The following IDUA variants were observed in gnomAD, a reference collection of about 807,000 sequenced individuals.
IDUA encodes the protein alpha-L-iduronidase.
Under a neutral mutation model 68.9 loss-of-function variants are expected in IDUA, and 65 were observed. That is an observed-to-expected ratio of 0.94 (90% CI 0.77 to 1.16). The LOEUF is 1.16. IDUA is among the 50% of genes most tolerant of loss of function. IDUA has a pLI of 0.00. For missense variants in IDUA, 1,046 were observed against 938.0 expected (o/e 1.12, Z -1.50); for synonymous variants, 529 against 433.6 (o/e 1.22, Z -2.73).
At chr4:1,000,735 C>G (rs1220268935) in intron 3 of IDUA, 38 bp downstream of exon 3, 2 of 1,537,054 alleles carry the variant, frequency 1.3e-6, no homozygotes, top group East Asian at 2.3e-5. Flanking sequence ...CCGCCTGCAC[C>G]CCCTTGCCCT....
intron 2 of IDUA, among the ~76,000 whole-genome samples, chr4:996,088 C>T (rs73066472): frequency 0.051 from 7,792 of 152,286 alleles, 654 homozygotes; most frequent in African/African-American, 0.17. Flanking sequence ...GATTTCTCCT[C>T]GAAGCCCCTG....
At position 1,004,062 on chromosome 4, in the gene IDUA, C is replaced by A; in HGVS notation, c.1778C>A (p.Thr593Asn). 1 of 1,612,606 alleles carries A rather than the reference C, an allele frequency of 6.2e-7. No homozygotes were observed. The highest frequency in any genetic ancestry group is 2.2e-5 in the East Asian group (1 of 44,864). ...IQFSQDGKAY[T>N]PVSRKPSTFN... ...TTCTCTCAGGACGGTAAGGCGTACA[C>A]CCCGGTCAGCAGGAAGCCATCGACC... Residue 593 changes from threonine to asparagine, a missense_variant, in exon 13 of 14, where the codon ACC becomes AAC. Transcript: ENST00000514224. This position sits in a 1 kb window ranked among gnomAD's most constrained non-coding sequence, Gnocchi z 5.0.
Position 987,921 on chromosome 4 carries a change from C to T in IDUA, c.271C>T (p.His91Tyr). 13 of 1,597,964 alleles carry T rather than the reference C, an allele frequency of 8.1e-6. No individual in the cohort carries two copies. Among genetic ancestry groups the T allele is most frequent in the East Asian group, 2.3e-5 (1 of 43,966 alleles). Residue 91 changes from histidine (H) to tyrosine (Y), a missense_variant, in exon 2 of 14, where the codon CAC becomes TAC. Transcript: ENST00000514224. ...CCGCGGCATCAAGCAGGTCCGGACC[C>T]ACTGGCTGCTGGAGCTTGTCACCAC... Reference protein sequence around the residue: ...PHRGIKQVRTHWLLELVTTRG... With the variant: ...PHRGIKQVRTYWLLELVTTRG...
At chr4:989,993 C>T in intron 2 of IDUA, 1 of 1,565,460 alleles carries the variant, frequency 6.4e-7, no homozygotes, top group East Asian at 2.4e-5. Context: ...ACGCTCGAGC[C>T]AAAGCGCTTG....
intron 4 of IDUA, chr4:1,001,251 C>T (rs1424994105): frequency 2.1e-5 from 9 of 426,818 alleles, no homozygotes; most frequent in Admixed American, 5.9e-5. Context: ...GCAGGCTGCA[C>T]CCCTATCACC....
chr4:990,988 G>T, intron 2 of IDUA: 3 of 892,062 alleles, frequency 3.4e-6, no homozygotes, highest in Non-Finnish European at 4.9e-6. Context: ...GCACGCCCCA[G>T]CTCTGCCCAA....
In IDUA at chr4:1,000,634, A is replaced by T. The variant is rs1715015091; in HGVS notation, c.322A>T (p.Ser108Cys). 6.2e-7 allele frequency: 1 copy of T among 1,612,672 alleles called. No individual in the cohort carries two copies. Residue 108 changes from serine (S) to cysteine (C), a missense_variant, in exon 3 of 14, where the codon AGC becomes TGC. Coordinates refer to ENST00000514224, the MANE Select transcript of IDUA (RefSeq NM_000203.5). Reference sequence around the variant, plus strand: ...CAGGGGGTCCACTGGACGGGGCCTGAGCTACAACTTCACCCACCTGGACGG... The same window carrying T: ...CAGGGGGTCCACTGGACGGGGCCTGTGCTACAACTTCACCCACCTGGACGG... ...TTRGSTGRGL[S>C]YNFTHLDGYL...
In IDUA at chr4:1,001,556, C is replaced by T; in HGVS notation, c.582C>T (p.Thr194=). The change falls in exon 5 of 14, where the codon ACC becomes ACT. Residue 194 remains threonine (T), a synonymous_variant. Transcript: ENST00000514224. ...DHHDFDNVSM[T]MQGFLNYYDA... ...ACGACTTTGACAACGTCTCCATGACCATGCAAGGTGTGCACCGCTTCCTGG... is the reference window on the plus strand; with the variant it reads ...ACGACTTTGACAACGTCTCCATGACTATGCAAGGTGTGCACCGCTTCCTGG... 1 of 1,613,182 alleles carries T rather than the reference C, an allele frequency of 6.2e-7. No homozygotes were observed. Among genetic ancestry groups the T allele is most frequent in the Non-Finnish European group, 8.5e-7 (1 of 1,179,904 alleles).
At chr4:991,139 C>A in intron 2 of IDUA, 1 of 1,543,256 alleles carries the variant, frequency 6.5e-7, no homozygotes. Flanking sequence ...TGGTAAAGCC[C>A]GGTCATCAGC....
In IDUA at chr4:987,250, C is replaced by A; in HGVS notation, c.158+8C>A. ...GAGGAGCACAGGCTTCTGGTGAGCG[C>A]TCCGCGGCCTCCGGGACCCCCTGGC... On this transcript the variant is annotated splice_region_variant and intron_variant, in intron 1 of 13. Coordinates refer to ENST00000514224, the MANE Select transcript of IDUA (RefSeq NM_000203.5). The A allele has an allele frequency of 6.6e-7, 1 of 1,513,724 alleles. No homozygotes were observed. The highest frequency in any genetic ancestry group is 1.2e-5 in the South Asian group (1 of 81,916). 93.8% of individuals were successfully genotyped at this position (1,513,724 alleles called of 1,614,324 possible).
chr4:1,001,018 G>A (rs1321227164), intron 4 of IDUA, 29 bp downstream of exon 4: 1 of 1,515,868 alleles, frequency 6.6e-7, no homozygotes. Context: ...TGGGGCCCTG[G>A]CCGGGGCGGG....
At position 999,149 on chromosome 4, in the gene IDUA, G is replaced by T. The variant is rs530292460; in HGVS notation, c.300-1463G>T. Among the ~76,000 whole-genome samples the T allele has an allele frequency of 2.2e-3, 327 of 151,614 alleles. 1 individual carries two copies. The highest frequency in any genetic ancestry group is 7.5e-3 in the African/African-American group (310 of 41,236). On this transcript the variant is annotated intron_variant, in intron 2 of 13. Transcript: ENST00000514224. ...GAACCCGGGAGGGGGAGCTTGCAGTGAGCCGAGATCGCGCCACTGCACCCC... is the reference window on the plus strand; with the variant it reads ...GAACCCGGGAGGGGGAGCTTGCAGTTAGCCGAGATCGCGCCACTGCACCCC...
upstream of IDUA, chr4:986,999 C>T: frequency 6.1e-6 from 7 of 1,149,862 alleles, no homozygotes; most frequent in Non-Finnish European, 8.1e-6. Context: ...CGGCGGCGGT[C>T]ACATGGGGTG....
chr4:1,002,193 G>C, intron 7 of IDUA, 32 bp downstream of exon 7: 1 of 1,564,442 alleles, frequency 6.4e-7, no homozygotes, highest in Middle Eastern at 1.7e-4. Flanking sequence ...CGCGCCCCCC[G>C]GCCACCTTCC....
intron 2 of IDUA, among the ~76,000 whole-genome samples, chr4:999,400 G>A (rs2153021249): frequency 6.6e-6 from 1 of 152,256 alleles, no homozygotes; most frequent in East Asian, 1.9e-4. Context: ...CTGCCTGATT[G>A]TCATGTGTGC....
rs980445233 is a variant in IDUA, at chr4:1,001,480, T to A, written c.506T>A (p.Leu169Gln). The change falls in exon 5 of 14, where the codon CTG becomes CAG. Residue 169 changes from leucine to glutamine, a missense_variant. By Grantham distance (113) the Leu-to-Gln change is moderately radical. Coordinates refer to ENST00000514224, the MANE Select transcript of IDUA (RefSeq NM_000203.5). ...LARRYIGRYG[L>Q]AHVSKWNFET... ...GGCTCCTCTGCAGGTAGGTACGGAC[T>A]GGCGCATGTTTCCAAGTGGAACTTC... 6.2e-7 allele frequency: 1 copy of A among 1,612,982 alleles called. No individual in the cohort carries two copies. Among genetic ancestry groups the A allele is most frequent in the African/African-American group, 1.3e-5 (1 of 74,892 alleles).
Position 1,000,870 on chromosome 4 carries a change from C to T in IDUA, c.386-12C>T. 1.2e-6 allele frequency: 2 copies of T among 1,608,670 alleles called. No individual in the cohort carries two copies. The highest frequency in any genetic ancestry group is 1.7e-6 in the Non-Finnish European group (2 of 1,175,782). ...GTGTGGTGGGCGGTGGGGCAGCCCTCCTGTGTTCCAGGGTTTGAGCTGATG... is the reference window on the plus strand; with the variant it reads ...GTGTGGTGGGCGGTGGGGCAGCCCTTCTGTGTTCCAGGGTTTGAGCTGATG... On this transcript the variant is annotated splice_polypyrimidine_tract_variant and intron_variant, in intron 3 of 13. Transcript: ENST00000514224.
chr4:989,235 G>A, intron 2 of IDUA: 1 of 1,612,414 alleles, frequency 6.2e-7, no homozygotes, highest in Non-Finnish European at 8.5e-7. Flanking sequence ...TGGCAGCCAT[G>A]CACCCTGCGT....
chr4:1,001,563 G>C lies in IDUA; in HGVS notation c.589G>C (p.Gly197Arg). Residue 197 changes from glycine (G) to arginine (R), a missense_variant and splice_region_variant, in exon 5 of 14, where the codon GGC becomes CGC. By Grantham distance (125) the Gly-to-Arg change is moderately radical (BLOSUM62 -2). Coordinates refer to ENST00000514224, the MANE Select transcript of IDUA (RefSeq NM_000203.5). ...TGACAACGTCTCCATGACCATGCAA[G>C]GTGTGCACCGCTTCCTGGGGTCCTG... ...DFDNVSMTMQ[G>R]FLNYYDACSE... 1 of 1,613,050 alleles carries C rather than the reference G, an allele frequency of 6.2e-7. No individual in the cohort carries two copies. Among genetic ancestry groups the C allele is most frequent in the Non-Finnish European group, 8.5e-7 (1 of 1,179,844 alleles).
Sources: gnomAD v4.1 joint callset for allele counts (sites outside exome capture counted in the v4.1 genomes callset) on GRCh38, gnomAD v4.1.1 for gene constraint, Gnocchi (gnomAD v3.1) non-coding constraint, MANE v1.5 for transcripts, NCBI Gene and HGNC (gene_info 2026-07-23, HGNC 2026-07-21) for gene names.